Variants in PLEKHH1 observed in about 807,000 individuals in gnomAD.
PLEKHH1 encodes pleckstrin homology domain-containing family H member 1.
A neutral mutation model predicts 160.0 loss-of-function variants in PLEKHH1; 104 were observed. The observed-to-expected ratio is 0.65, with a 90% confidence interval of 0.55 to 0.76. The LOEUF (loss-of-function observed/expected upper bound fraction) is 0.76. Ranked by LOEUF, PLEKHH1 falls within the 30% of genes least tolerant of loss-of-function variation. The pLI is 0.00. For missense variants in PLEKHH1, 1,427 were observed against 1,724.1 expected (o/e 0.83, Z 3.05); for synonymous variants, 619 against 678.4 (o/e 0.91, Z 1.36).
chr14:67,538,206 G>C (rs1415109552), intron 1 of PLEKHH1, among the ~76,000 whole-genome samples: 1 of 152,090 alleles, frequency 6.6e-6, no homozygotes, highest in African/African-American at 2.4e-5. Context: ...ATTTGTGTTA[G>C]ACTAGCCTGT....
At chr14:67,559,770 A>T (rs1351669775) in intron 5 of PLEKHH1, 79 bp downstream of exon 5, 25 of 907,938 alleles carry the variant, frequency 2.8e-5, no homozygotes, top group Non-Finnish European at 4.3e-5. Flanking sequence ...CCTGCCCCCT[A>T]CTGTCTAGGG....
At chr14:67,575,585 A>G in intron 15 of PLEKHH1, 113 bp downstream of exon 15, 1 of 786,556 alleles carries the variant, frequency 1.3e-6, no homozygotes, top group Non-Finnish European at 2.2e-6. Flanking sequence ...AATAAATACA[A>G]AATCAGTTGG....
At chr14:67,579,664 C>T in intron 21 of PLEKHH1, 57 bp from the exon 22 acceptor site, 6 of 1,551,834 alleles carry the variant, frequency 3.9e-6, no homozygotes, top group Non-Finnish European at 5.3e-6. Flanking sequence ...CTCCACCAGC[C>T]CTAGTGAGCT....
chr14:67,569,797 C>G, intron 8 of PLEKHH1, 124 bp from the exon 9 acceptor site: 1 of 687,844 alleles, frequency 1.5e-6, no homozygotes, highest in Non-Finnish European at 2.7e-6. Context: ...GCCCTGGCCC[C>G]CCTCTTGAGA....
At chr14:67,537,366 A>ATAATAATAATAT (rs1171119157) in intron 1 of PLEKHH1, among the ~76,000 whole-genome samples, 12 of 138,824 alleles carry the variant, frequency 8.6e-5, no homozygotes, top group Admixed American at 8.0e-4. Flanking sequence ...AATAATAATA[A>ATAATAATAATAT]TAATAATAAT....
chr14:67,587,015 A>C lies in PLEKHH1; in HGVS notation c.3934-59A>C, dbSNP rs1041584396. The C allele has an allele frequency of 6.5e-6, 10 of 1,530,936 alleles. No homozygotes were observed. The East Asian group carries it at 1.2e-4, about 19-fold the overall frequency. 94.8% of individuals were successfully genotyped at this position (1,530,936 alleles called of 1,614,324 possible). A position where few individuals can be genotyped will look rare whatever the true frequency, so the allele number is the denominator to read the frequency against. ...CTCAGCATAAGAGCTAATAAGTAAG[A>C]AAGCCAGGATTCAAGCCAAGGCTAG... On this transcript the variant is annotated intron_variant, in intron 28 of 28. Transcript: ENST00000329153.
chr14:67,578,303 C>T lies in PLEKHH1; in HGVS notation c.2751+104C>T. The T allele has an allele frequency of 9.9e-7, 1 of 1,007,552 alleles. No individual in the cohort carries two copies. The allele number at this position is 1,007,552 out of a possible 1,614,324, so 62.4% of individuals were successfully genotyped here. ...TGGGCAGGTATACGGTGAGCCCAGC[C>T]AGCGGGCAGCCTCTGTGCTCCAAGC... On this transcript the variant is annotated intron_variant, in intron 19 of 28. Coordinates refer to ENST00000329153, the MANE Select transcript of PLEKHH1 (RefSeq NM_020715.3). The surrounding 1 kb of genome is among the most constrained non-coding windows in gnomAD (Gnocchi z 5.0).
chr14:67,552,209 GT>G (rs1390186286), intron 2 of PLEKHH1, among the ~76,000 whole-genome samples: 1 of 152,186 alleles, frequency 6.6e-6, no homozygotes, highest in African/African-American at 2.4e-5. Context: ...TGGCTGGCGT[GT>G]TACCCCAGAC....
Position 67,574,258 on chromosome 14 carries a change from A to C in PLEKHH1, c.1943A>C (p.Lys648Thr). The C allele has an allele frequency of 6.2e-7, 1 of 1,605,808 alleles. No homozygotes were observed. Residue 648 changes from lysine to threonine, a missense_variant, in exon 14 of 29, where the codon AAA becomes ACA. Physicochemically the swap from Lys to Thr is moderately conservative, Grantham distance 78. Transcript: ENST00000329153. This position sits in a 1 kb window ranked among gnomAD's most constrained non-coding sequence, Gnocchi z 4.2. Reference sequence around the variant, plus strand: ...CCTCCACAGCTCATCTCTGAGAAGAAAACCTACTACCTGACGGCCGATTCA... The same window carrying C: ...CCTCCACAGCTCATCTCTGAGAAGACAACCTACTACCTGACGGCCGATTCA... ...SQTFQLISEK[K>T]TYYLTADSPS...
At chr14:67,570,346 C>T in intron 9 of PLEKHH1, 1 of 1,001,980 alleles carries the variant, frequency 1.0e-6, no homozygotes, top group Non-Finnish European at 1.2e-6. Flanking sequence ...GAGGTATATT[C>T]CAACTTATAT....
Position 67,584,378 on chromosome 14 carries a change from C to G in PLEKHH1, c.3699+254C>G, listed in dbSNP as rs147684286. Reference sequence around the variant, plus strand: ...TAATTCACACACACAAAGATTCAGACTTGAAATAACAGCCCTCTCAAGAGT... The same window carrying G: ...TAATTCACACACACAAAGATTCAGAGTTGAAATAACAGCCCTCTCAAGAGT... On this transcript the variant is annotated intron_variant, in intron 26 of 28. Transcript: ENST00000329153. Among the ~76,000 whole-genome samples the G allele has an allele frequency of 3.3e-3, 498 of 152,320 alleles. 3 individuals carry two copies. The highest frequency in any genetic ancestry group is 7.5e-3 in the Admixed American group (115 of 15,284).
chr14:67,551,193 C>T (rs943220934), intron 2 of PLEKHH1, among the ~76,000 whole-genome samples: 5 of 152,068 alleles, frequency 3.3e-5, no homozygotes, highest in Admixed American at 6.6e-5. Context: ...CTAAGTAGTC[C>T]GATCATATAA....
intron 1 of PLEKHH1, among the ~76,000 whole-genome samples, chr14:67,541,019 C>T (rs576283633): frequency 2.4e-4 from 36 of 152,244 alleles, no homozygotes; most frequent in Middle Eastern, 6.8e-3. Flanking sequence ...GTGGCTTTCT[C>T]CAGAGGTTGC....
intron 2 of PLEKHH1, among the ~76,000 whole-genome samples, chr14:67,548,384 G>T (rs2034261176): frequency 6.6e-6 from 1 of 152,090 alleles, no homozygotes; most frequent in South Asian, 2.1e-4. Context: ...TATGCCAAAA[G>T]GGCTTTGAGG....
intron 9 of PLEKHH1, chr14:67,570,838 C>G (rs1301100695): frequency 6.6e-6 from 1 of 152,274 alleles, no homozygotes; most frequent in Non-Finnish European, 1.5e-5. Flanking sequence ...ATTCTCCTGC[C>G]TCAGCCTCCT....
chr14:67,568,461 G>A (rs564163435), intron 7 of PLEKHH1, among the ~76,000 whole-genome samples: 36 of 152,198 alleles, frequency 2.4e-4, no homozygotes, highest in African/African-American at 8.2e-4. Context: ...GTGGCGGTGG[G>A]GGAGTATTAG....
chr14:67,578,439 G>C lies in PLEKHH1; in HGVS notation c.2752-95G>C. The C allele has an allele frequency of 1.0e-6, 1 of 960,028 alleles. No homozygotes were observed. The highest frequency in any genetic ancestry group is 2.5e-4 in the Middle Eastern group (1 of 3,990). 59.5% of individuals were successfully genotyped at this position (960,028 alleles called of 1,614,324 possible). A position where few individuals can be genotyped will look rare whatever the true frequency, so the allele number is the denominator to read the frequency against. ...AGAGCAAGTTGGGGGCTCTGGTTTG[G>C]GGAAAGAGTGCTGAAGGCTCTGTAG... On this transcript the variant is annotated intron_variant, in intron 19 of 28. Transcript: ENST00000329153. The surrounding 1 kb of genome is among the most constrained non-coding windows in gnomAD (Gnocchi z 5.0).
At position 67,574,767 on chromosome 14, in the gene PLEKHH1, T is replaced by TA. The variant is rs1440898346; in HGVS notation, c.2088+367dup. 6.6e-6 allele frequency among the ~76,000 whole-genome samples: 1 copy of TA among 152,082 alleles called. No individual in the cohort carries two copies. The highest frequency in any genetic ancestry group is 1.5e-5 in the Non-Finnish European group (1 of 68,014). ...AGGTAGGTATGGCTCCTCAAAGACT[T>TA]AAAGTATCCCAGGCCTGCCCTAAAG... On this transcript the variant is annotated intron_variant, in intron 14 of 28. Coordinates refer to ENST00000329153, the MANE Select transcript of PLEKHH1 (RefSeq NM_020715.3). The surrounding 1 kb of genome is among the most constrained non-coding windows in gnomAD (Gnocchi z 4.2).
At position 67,562,208 on chromosome 14, in the gene PLEKHH1, T is replaced by C; in HGVS notation, c.577T>C (p.Ser193Pro). Residue 193 changes from serine to proline, a missense_variant, in exon 7 of 29, where the codon TCA becomes CCA. Around this residue, in one of 6 missense-constraint regions of PLEKHH1, gnomAD observed 831 missense variants for 929.2 expected, o/e 0.89. Coordinates refer to ENST00000329153, the MANE Select transcript of PLEKHH1 (RefSeq NM_020715.3). ...YGAAEQDSVPSEPGIQPMGQD... is the reference protein window; with the variant it reads ...YGAAEQDSVPPEPGIQPMGQD... Reference sequence around the variant, plus strand: ...AGCTGCAGAGCAGGATTCTGTCCCTTCAGAGCCGGGAATCCAGCCTATGGG... The same window carrying C: ...AGCTGCAGAGCAGGATTCTGTCCCTCCAGAGCCGGGAATCCAGCCTATGGG... The C allele has an allele frequency of 6.2e-7, 1 of 1,611,726 alleles. No homozygotes were observed. Among genetic ancestry groups the C allele is most frequent in the Middle Eastern group, 1.7e-4 (1 of 6,060 alleles).
Sources: gnomAD v4.1 joint callset for allele counts (sites outside exome capture counted in the v4.1 genomes callset) on GRCh38, gnomAD v4.1.1 for gene constraint, gnomAD v4.1.1 regional missense constraint, Gnocchi (gnomAD v3.1) non-coding constraint, MANE v1.5 for transcripts, NCBI Gene and HGNC (gene_info 2026-07-23, HGNC 2026-07-21) for gene names.